PRELID2: variants seen among roughly 807,000 people sequenced by gnomAD.
PRELID2 encodes PRELI domain-containing protein 2.
PRELID2 carries 25 observed loss-of-function variants against 28.4 expected under a neutral mutation model. The observed-to-expected ratio is 0.88, with a 90% CI of 0.64 to 1.23. PRELID2 has a LOEUF of 1.23. PRELID2 is among the 50% of genes most tolerant of loss of function. The probability of loss-of-function intolerance (pLI) is 0.00; values close to 1 mark genes in which losing one functional copy is unlikely to be tolerated. For synonymous variants in PRELID2, 76 were observed against 71.6 expected (o/e 1.06, Z -0.31); for missense variants, 201 against 214.4 (o/e 0.94, Z 0.39).
intron 1 of PRELID2, among the ~76,000 whole-genome samples, chr5:145,716,819 CTTGTT>C (rs1421016507): frequency 1.3e-5 from 2 of 152,088 alleles, no homozygotes; most frequent in Admixed American, 6.6e-5. Flanking sequence ...CTGGTATTGT[CTTGTT>C]TTATCTGCAC....
the PRELID2 span, among the ~76,000 whole-genome samples, chr5:145,240,226 T>C: frequency 6.6e-6 from 1 of 151,404 alleles, no homozygotes; most frequent in Non-Finnish European, 1.5e-5. Flanking sequence ...ATTTTCACTT[T>C]CTGCTTTATT....
At chr5:145,274,641 C>T in the PRELID2 span, among the ~76,000 whole-genome samples, 4 of 151,954 alleles carry the variant, frequency 2.6e-5, no homozygotes, top group African/African-American at 7.3e-5. Flanking sequence ...AAAATATTTG[C>T]ATATATATTG....
chr5:145,445,191 T>G, the PRELID2 span, among the ~76,000 whole-genome samples: 4 of 151,952 alleles, frequency 2.6e-5, no homozygotes, highest in Non-Finnish European at 5.9e-5. Flanking sequence ...ACACATAGAC[T>G]AATGGAACAA....
intron 2 of PRELID2, among the ~76,000 whole-genome samples, chr5:145,472,537 G>C (rs1049908181): frequency 1.3e-5 from 2 of 152,050 alleles, no homozygotes; most frequent in Non-Finnish European, 1.5e-5. Context: ...ATAATCCTAA[G>C]GCCTAGAAGA....
chr5:145,656,261 G>A (rs1754391602), intron 1 of PRELID2, among the ~76,000 whole-genome samples: 1 of 152,174 alleles, frequency 6.6e-6, no homozygotes, highest in Admixed American at 6.5e-5. Context: ...AACAGGTGCT[G>A]GAGAGGATGT....
intron 1 of PRELID2, among the ~76,000 whole-genome samples, chr5:145,743,873 G>T (rs770236788): frequency 1.3e-5 from 2 of 152,238 alleles, no homozygotes; most frequent in African/African-American, 2.4e-5. Flanking sequence ...TGAGCTCCTT[G>T]GGGGAGGAGC....
intron 1 of PRELID2, among the ~76,000 whole-genome samples, chr5:145,612,295 A>T (rs1369485619): frequency 2.0e-5 from 3 of 152,190 alleles, no homozygotes; most frequent in African/African-American, 7.2e-5. Flanking sequence ...AAGATTGGCA[A>T]ATTTGAAATC....
At chr5:145,549,651 C>T (rs1409374472) in intron 1 of PRELID2, among the ~76,000 whole-genome samples, 4 of 151,964 alleles carry the variant, frequency 2.6e-5, no homozygotes, top group East Asian at 1.9e-4. Flanking sequence ...AAAAATTAGC[C>T]GGGCATGGTG....
At chr5:145,587,799 AT>A (rs1753175003) in intron 1 of PRELID2, among the ~76,000 whole-genome samples, 1 of 152,132 alleles carries the variant, frequency 6.6e-6, no homozygotes, top group African/African-American at 2.4e-5. Context: ...TTTGACTCAG[AT>A]TTTCCCTGGA....
chr5:145,297,253 A>G, the PRELID2 span, among the ~76,000 whole-genome samples: 1 of 151,984 alleles, frequency 6.6e-6, no homozygotes, highest in Non-Finnish European at 1.5e-5. Context: ...TGTTTTAGAC[A>G]TGAAGTCCTT....
At chr5:145,413,668 C>A in the PRELID2 span, among the ~76,000 whole-genome samples, 1 of 149,136 alleles carries the variant, frequency 6.7e-6, no homozygotes, top group African/African-American at 2.5e-5. Context: ...TTTATTATGT[C>A]AATAGATGGG....
intron 1 of PRELID2, among the ~76,000 whole-genome samples, chr5:145,580,692 C>T (rs1035958110): frequency 2.6e-5 from 4 of 152,028 alleles, no homozygotes; most frequent in African/African-American, 7.2e-5. Flanking sequence ...TCTGAATTAG[C>T]CAGGCCCCCG....
In PRELID2 at chr5:145,745,566, A is replaced by G. The variant is rs1756967209; in HGVS notation, n.70+19365T>C. ...CTTGGGGCCAATAGTCAACATTCCT[A>G]AAGAAAAGAATTGGGCCAGGTACGG... On this transcript the variant is annotated intron_variant and non_coding_transcript_variant, in intron 1 of 2. Coordinates refer to the PRELID2 transcript ENST00000510259. 2.0e-5 allele frequency among the ~76,000 whole-genome samples: 3 copies of G among 152,276 alleles called. No individual in the cohort carries two copies. The South Asian group carries it at 6.2e-4, about 32-fold the overall frequency.
chr5:145,292,340 CTGCTCTACGGCTGACTT>C, the PRELID2 span, among the ~76,000 whole-genome samples: 1 of 151,972 alleles, frequency 6.6e-6, no homozygotes, highest in East Asian at 1.9e-4. Context: ...ATATGAGTTT[CTGCTCTACGGCTGACTT>C]ATTTTATGAC....
At chr5:145,315,528 T>A in the PRELID2 span, among the ~76,000 whole-genome samples, 2 of 151,304 alleles carry the variant, frequency 1.3e-5, no homozygotes, top group African/African-American at 4.9e-5. Flanking sequence ...GATGTCCTAG[T>A]TTGCTTGCTC....
intron 1 of PRELID2, among the ~76,000 whole-genome samples, chr5:145,585,716 T>C: frequency 6.6e-6 from 1 of 152,088 alleles, no homozygotes; most frequent in East Asian, 1.9e-4. Flanking sequence ...CAAAGGGACC[T>C]TTTTTTAATA....
chr5:145,634,690 TC>T (rs1753977085), intron 1 of PRELID2, among the ~76,000 whole-genome samples: 1 of 152,136 alleles, frequency 6.6e-6, no homozygotes, highest in Non-Finnish European at 1.5e-5. Context: ...TCTAATAGAA[TC>T]ACTTATGTAA....
At chr5:145,611,589 A>G (rs960493092) in intron 1 of PRELID2, among the ~76,000 whole-genome samples, 10 of 152,256 alleles carry the variant, frequency 6.6e-5, no homozygotes, top group Admixed American at 2.6e-4. Flanking sequence ...CAAAATGGGT[A>G]TAACTCTATT....
intron 1 of PRELID2, among the ~76,000 whole-genome samples, chr5:145,481,111 C>T (rs1369518505): frequency 2.0e-5 from 3 of 152,014 alleles, no homozygotes; most frequent in Non-Finnish European, 4.4e-5. Context: ...ATATAATTAT[C>T]GTAAGATAAA....
Sources: allele counts gnomAD v4.1 joint callset (sites outside exome capture counted in the v4.1 genomes callset), GRCh38; gene constraint gnomAD v4.1.1; transcripts MANE v1.5; gene names NCBI Gene and HGNC (gene_info 2026-07-23, HGNC 2026-07-21).